CLCN3: variants seen among roughly 807,000 people sequenced by gnomAD.
CLCN3 encodes the protein H(+)/Cl(-) exchange transporter 3.
Under a neutral mutation model 83.4 loss-of-function variants are expected in CLCN3, and 16 were observed. The ratio of observed to expected loss-of-function variants is 0.19; its 90% CI spans 0.13 to 0.29. The LOEUF is 0.29. Among genes scored for constraint, CLCN3 ranks in the 10% least tolerant of loss-of-function variants. The pLI is 1.00. For synonymous variants in CLCN3, 322 were observed against 346.2 expected, an observed-to-expected ratio of 0.93 and a Z score of 0.78; for missense variants, 544 against 1,006.0, an observed-to-expected ratio of 0.54 and a Z score of 6.21.
chr4:169,667,523 A>C (rs1731288850), intron 2 of CLCN3, among the ~76,000 whole-genome samples: 1 of 152,138 alleles, frequency 6.6e-6, no homozygotes, highest in Non-Finnish European at 1.5e-5. Flanking sequence ...TTTACAAGAA[A>C]GTTGCAAGCC....
intron 11 of CLCN3, among the ~76,000 whole-genome samples, chr4:169,711,887 CAG>C (rs761733929): frequency 2.0e-5 from 3 of 151,870 alleles, no homozygotes; most frequent in Non-Finnish European, 4.4e-5. Flanking sequence ...CTTTTTGCGA[CAG>C]AGTCTTGCTT....
At chr4:169,719,884 A>T (rs779873441) in intron 12 of CLCN3, 23 bp from the exon 13 acceptor site, 1 of 1,578,772 alleles carries the variant, frequency 6.3e-7, no homozygotes, top group African/African-American at 1.4e-5. Flanking sequence ...ATTTCATAGG[A>T]GTCTTCTGTT....
chr4:169,679,456 A>G (rs1581240936), intron 2 of CLCN3, among the ~76,000 whole-genome samples: 2 of 138,876 alleles, frequency 1.4e-5, no homozygotes, highest in Admixed American at 7.2e-5. Flanking sequence ...ATGGGCAGTC[A>G]GGCAGAGACG....
chr4:169,719,719 C>G (rs1335029406), intron 12 of CLCN3, among the ~76,000 whole-genome samples, 188 bp from the exon 13 acceptor site: 1 of 151,932 alleles, frequency 6.6e-6, no homozygotes, highest in Non-Finnish European at 1.5e-5. Context: ...ACCATAGTAA[C>G]TTTTTATACC....
intron 2 of CLCN3, among the ~76,000 whole-genome samples, chr4:169,668,043 A>ATTTGTTTTTTTTTTTTTTTTTT (rs1560845763): frequency 1.2e-5 from 1 of 82,344 alleles, no homozygotes; most frequent in Non-Finnish European, 2.4e-5. Flanking sequence ...CCGGCCAGAC[A>ATTTGTTTTTTTTTTTTTTTTTT]TTTTTTTTTT....
intron 2 of CLCN3, chr4:169,643,006 T>C (rs892213801): frequency 2.0e-4 from 31 of 152,212 alleles, no homozygotes; most frequent in African/African-American, 7.5e-4. Context: ...AGGTCATCAA[T>C]GTATATTTTT....
intron 11 of CLCN3, among the ~76,000 whole-genome samples, chr4:169,710,050 A>C (rs1044378711): frequency 6.6e-6 from 1 of 152,178 alleles, no homozygotes. Flanking sequence ...CCTGTCTCTA[A>C]AACAAACAAA....
intron 2 of CLCN3, among the ~76,000 whole-genome samples, chr4:169,672,818 C>T (rs1424062411): frequency 1.3e-5 from 2 of 152,052 alleles, no homozygotes; most frequent in South Asian, 2.1e-4. Flanking sequence ...CACCTGCCAC[C>T]GCGCCCAGCT....
chr4:169,635,249 T>C (rs1249379437), intron 1 of CLCN3, among the ~76,000 whole-genome samples: 3 of 152,198 alleles, frequency 2.0e-5, no homozygotes, highest in Non-Finnish European at 2.9e-5. Flanking sequence ...CCCATACTTA[T>C]GTTGAACTCT....
chr4:169,680,000 C>T, intron 2 of CLCN3, 50 bp from the exon 3 acceptor site: 4 of 1,399,760 alleles, frequency 2.9e-6, no homozygotes, highest in Non-Finnish European at 4.0e-6. Flanking sequence ...TCACTTAGCT[C>T]ACTGTTGTCT....
chr4:169,707,976 C>G (rs774092461), intron 11 of CLCN3, among the ~76,000 whole-genome samples: 58 of 152,154 alleles, frequency 3.8e-4, no homozygotes, highest in African/African-American at 1.3e-3. Context: ...GATGAGGAGA[C>G]CATTAAGACT....
intron 2 of CLCN3, among the ~76,000 whole-genome samples, chr4:169,672,028 C>T (rs529375092): frequency 6.6e-6 from 1 of 151,876 alleles, no homozygotes; most frequent in Non-Finnish European, 1.5e-5. Context: ...TGGCTAACAC[C>T]GTGAAACCCC....
intron 1 of CLCN3, among the ~76,000 whole-genome samples, chr4:169,622,828 A>G (rs1446062737): frequency 6.6e-6 from 1 of 152,226 alleles, no homozygotes; most frequent in African/African-American, 2.4e-5. Flanking sequence ...TGCTAGAGAA[A>G]AACAAGGAGG....
chr4:169,632,306 A>C (rs1031565868), intron 1 of CLCN3, among the ~76,000 whole-genome samples: 2 of 152,210 alleles, frequency 1.3e-5, no homozygotes, highest in Admixed American at 6.5e-5. Context: ...CAGGAAGTAC[A>C]TACTTCTCAA....
rs70964215 is a variant in CLCN3 at position 169,653,640 on chromosome 4, C to CAAAAA, written c.160+17569_160+17573dup. ...TGGGTGACAGAGTGAGACTCCGTCT[C>CAAAAA]AAAAAAAAAAAAAAAAAAAAAGGAA... On this transcript the variant is annotated intron_variant, in intron 2 of 12. Transcript: ENST00000513761. Among the ~76,000 whole-genome samples the CAAAAA allele has an allele frequency of 3.0e-4, 22 of 73,520 alleles. 2 individuals are homozygous for CAAAAA. Among genetic ancestry groups the CAAAAA allele is most frequent in the African/African-American group, 1.1e-3 (18 of 16,276 alleles). The allele number at this position is 73,520 out of a possible 152,430, so 48.2% of individuals were successfully genotyped here. A position where few individuals can be genotyped will look rare whatever the true frequency, so the allele number is the denominator to read the frequency against.
chr4:169,647,438 G>A (rs1405138852), intron 2 of CLCN3, among the ~76,000 whole-genome samples: 1 of 152,024 alleles, frequency 6.6e-6, no homozygotes, highest in Non-Finnish European at 1.5e-5. Context: ...GTAATGACTT[G>A]GATTGCCTAG....
At chr4:169,700,861 T>C (rs751341437) in intron 9 of CLCN3, among the ~76,000 whole-genome samples, 1 of 152,232 alleles carries the variant, frequency 6.6e-6, no homozygotes. Flanking sequence ...TAAAAATACT[T>C]GATTGCTAAA....
intron 10 of CLCN3, among the ~76,000 whole-genome samples, chr4:169,705,989 G>C (rs185688866): frequency 2.1e-4 from 32 of 151,976 alleles, no homozygotes; most frequent in Non-Finnish European, 1.3e-4. Context: ...AACTGAGTGA[G>C]ACCCCAAATC....
intron 10 of CLCN3, among the ~76,000 whole-genome samples, chr4:169,705,208 T>C (rs1379848997): frequency 6.6e-6 from 1 of 151,926 alleles, no homozygotes. Context: ...AAAGGTGACT[T>C]TGTTGAAGAT....
Sources: allele counts gnomAD v4.1 joint callset (sites outside exome capture counted in the v4.1 genomes callset), GRCh38; gene constraint gnomAD v4.1.1; transcripts MANE v1.5; gene names NCBI Gene and HGNC (gene_info 2026-07-23, HGNC 2026-07-21).